Variants in DPP10 observed in about 807,000 individuals in gnomAD.
The protein encoded by DPP10 is dipeptidyl peptidase like 10.
A neutral mutation model predicts 120.9 loss-of-function variants in DPP10; 33 were observed. That is an observed-to-expected ratio of 0.27 (90% confidence interval 0.21 to 0.37). DPP10 has a LOEUF of 0.37. Ranked by LOEUF, DPP10 falls within the 10% of genes least tolerant of loss-of-function variation. The probability of loss-of-function intolerance (pLI) is 1.00; values close to 1 mark genes in which losing one functional copy is unlikely to be tolerated. For synonymous variants in DPP10, 337 were observed against 326.1 expected, an observed-to-expected ratio of 1.03 and a Z score of -0.36; for missense variants, 816 against 942.8, an observed-to-expected ratio of 0.87 and a Z score of 1.76.
chr2:114,710,062 C>T (rs1700925624), intron 1 of DPP10, among the ~76,000 whole-genome samples: 1 of 152,236 alleles, frequency 6.6e-6, no homozygotes, highest in African/African-American at 2.4e-5. Context: ...ACCAACTCTA[C>T]CCTGTTAGAA....
At chr2:115,643,145 C>T (rs1047001457) in intron 5 of DPP10, among the ~76,000 whole-genome samples, 17 of 151,550 alleles carry the variant, frequency 1.1e-4, no homozygotes, top group Middle Eastern at 3.5e-3. Flanking sequence ...AAAAAAAATG[C>T]GTAAGAAGAG....
chr2:114,447,784 G>A (rs1311318604), intron 1 of DPP10, among the ~76,000 whole-genome samples: 1 of 152,204 alleles, frequency 6.6e-6, no homozygotes, highest in Non-Finnish European at 1.5e-5. Context: ...GCATTAGGAT[G>A]AGTCATTCTA....
chr2:114,831,948 T>C (rs1353531697), intron 1 of DPP10, among the ~76,000 whole-genome samples: 1 of 150,490 alleles, frequency 6.6e-6, no homozygotes, highest in Non-Finnish European at 1.5e-5. Context: ...TTCTCTCTCT[T>C]TTTTTAAATA....
chr2:114,538,795 T>G (rs1411380463), intron 1 of DPP10, among the ~76,000 whole-genome samples: 1 of 152,208 alleles, frequency 6.6e-6, no homozygotes, highest in Non-Finnish European at 1.5e-5. Context: ...GGACCCAGAC[T>G]GAGAGAATGT....
At chr2:115,369,472 G>A (rs2065270378) in intron 3 of DPP10, among the ~76,000 whole-genome samples, 1 of 151,966 alleles carries the variant, frequency 6.6e-6, no homozygotes, top group African/African-American at 2.4e-5. Flanking sequence ...TTTATTAAAT[G>A]CCTGTCCTGT....
chr2:115,586,089 G>T lies in DPP10; in HGVS notation c.441+60117G>T, dbSNP rs566731368. 9.2e-5 allele frequency among the ~76,000 whole-genome samples: 14 copies of T among 152,198 alleles called. No individual in the cohort carries two copies. The East Asian group carries it at 2.7e-3, about 30-fold the overall frequency. ...TGTAATCCCAGCACTTTGGGAGGCC[G>T]AGGCAGGTGGATCACCTGAGGTCAG... On this transcript the variant is annotated intron_variant, in intron 5 of 25. Coordinates refer to ENST00000410059, the MANE Select transcript of DPP10 (RefSeq NM_020868.6).
intron 1 of DPP10, among the ~76,000 whole-genome samples, chr2:115,201,330 G>A (rs546675265): frequency 2.2e-4 from 33 of 152,120 alleles, no homozygotes; most frequent in Non-Finnish European, 4.7e-4. Flanking sequence ...GAATGTGGTG[G>A]TGCATGCCTG....
intron 1 of DPP10, among the ~76,000 whole-genome samples, chr2:114,595,415 C>T (rs1691826039): frequency 6.6e-6 from 1 of 152,082 alleles, no homozygotes; most frequent in African/African-American, 2.4e-5. Context: ...ATGGTTGTCT[C>T]TGAAATATGC....
chr2:115,642,351 A>G (rs72947987), intron 5 of DPP10, among the ~76,000 whole-genome samples: 2,561 of 152,104 alleles, frequency 0.017, 68 homozygotes, highest in African/African-American at 0.059. Flanking sequence ...AAAGAAGATT[A>G]CCCTCCCACA....
chr2:114,511,204 A>T (rs1684119992), intron 1 of DPP10, among the ~76,000 whole-genome samples: 1 of 152,270 alleles, frequency 6.6e-6, no homozygotes, highest in South Asian at 2.1e-4. Flanking sequence ...ATACTACTTT[A>T]CACTCTGCAT....
intron 3 of DPP10, among the ~76,000 whole-genome samples, chr2:115,410,315 A>G (rs2068848126): frequency 6.6e-6 from 1 of 152,206 alleles, no homozygotes; most frequent in Non-Finnish European, 1.5e-5. Flanking sequence ...AAGGAATGAG[A>G]TCGCGCCCTT....
chr2:115,330,433 G>C (rs531471906), intron 2 of DPP10, among the ~76,000 whole-genome samples: 3 of 151,430 alleles, frequency 2.0e-5, no homozygotes, highest in East Asian at 3.9e-4. Context: ...AAGCTCTTTA[G>C]TTTAATTAGA....
At chr2:115,438,823 A>T (rs1306247320) in intron 3 of DPP10, among the ~76,000 whole-genome samples, 1 of 140,068 alleles carries the variant, frequency 7.1e-6, no homozygotes, top group Non-Finnish European at 1.5e-5. Context: ...CACAGTGTGG[A>T]ATAGTGGCTA....
intron 7 of DPP10, among the ~76,000 whole-genome samples, chr2:115,718,050 C>A (rs771876190): frequency 6.6e-6 from 1 of 151,950 alleles, no homozygotes; most frequent in Non-Finnish European, 1.5e-5. Flanking sequence ...AAAATGGGTG[C>A]GTGGTCATTA....
chr2:114,795,972 T>C (rs1373067279), intron 1 of DPP10, among the ~76,000 whole-genome samples: 1 of 152,194 alleles, frequency 6.6e-6, no homozygotes, highest in Non-Finnish European at 1.5e-5. Flanking sequence ...AAGTAGTATG[T>C]AACTGTACTA....
At chr2:114,630,573 G>C (rs949174120) in intron 1 of DPP10, among the ~76,000 whole-genome samples, 1 of 152,010 alleles carries the variant, frequency 6.6e-6, no homozygotes, top group African/African-American at 2.4e-5. Context: ...CTCAAGCTTG[G>C]TTTAAACCCC....
intron 1 of DPP10, among the ~76,000 whole-genome samples, chr2:114,561,100 C>G (rs557993919): frequency 1.3e-5 from 2 of 152,180 alleles, no homozygotes; most frequent in Admixed American, 6.5e-5. Context: ...CAGCTCCGTC[C>G]GCTCCTTTAG....
At chr2:114,607,816 T>C (rs1303444191) in intron 1 of DPP10, among the ~76,000 whole-genome samples, 1 of 152,240 alleles carries the variant, frequency 6.6e-6, no homozygotes. Context: ...ACTCCCACTA[T>C]GTGGTTTGGA....
chr2:115,628,844 T>C (rs1228451166), intron 5 of DPP10, among the ~76,000 whole-genome samples: 1 of 151,844 alleles, frequency 6.6e-6, no homozygotes, highest in Non-Finnish European at 1.5e-5. Context: ...ACTTTAAGTT[T>C]TAGGGTACAT....
Sources: gnomAD v4.1 joint callset for allele counts (sites outside exome capture counted in the v4.1 genomes callset) on GRCh38, gnomAD v4.1.1 for gene constraint, MANE v1.5 for transcripts, NCBI Gene and HGNC (gene_info 2026-07-23, HGNC 2026-07-21) for gene names.